KIAA0513: variants seen among roughly 807,000 people sequenced by gnomAD.
KIAA0513 encodes the protein KIAA0513.
KIAA0513 carries 39 observed loss-of-function variants against 56.5 expected under a neutral mutation model. The ratio of observed to expected loss-of-function variants is 0.69; its 90% CI spans 0.53 to 0.90. The LOEUF (loss-of-function observed/expected upper bound fraction) is 0.90, where lower values mean the gene tolerates loss of function less well. Among genes scored for constraint, KIAA0513 ranks in the 40% least tolerant of loss-of-function variants. The pLI, the probability that KIAA0513 is intolerant of heterozygous loss-of-function variation, is 0.00. For missense variants in KIAA0513, 591 were observed against 535.2 expected (o/e 1.10, Z -1.03); for synonymous variants, 268 against 215.6 (o/e 1.24, Z -2.13).
chr16:85,071,303 C>T (rs1175633610), intron 2 of KIAA0513, among the ~76,000 whole-genome samples: 1 of 152,236 alleles, frequency 6.6e-6, no homozygotes, highest in Admixed American at 6.5e-5. Flanking sequence ...AGGTGATTTT[C>T]TTCTTGGCCT....
In KIAA0513 at chr16:85,088,307, G is replaced by T. The variant is rs780942219; in HGVS notation, c.1218G>T (p.Glu406Asp). The change falls in exon 13 of 13, where the codon GAG becomes GAT. Residue 406 changes from glutamate (E) to aspartate (D), a missense_variant. Coordinates refer to ENST00000683363, the MANE Select transcript of KIAA0513 (RefSeq NM_001388359.1). ...EQYKLLSDHIEQMATE is the reference protein window; with the variant it reads ...EQYKLLSDHIDQMATE ...ACAAGCTGCTTAGTGACCACATTGA[G>T]CAAATGGCCACTGAGTAGGCCCCAG... is the stretch of plus-strand genomic sequence containing the variant. The T allele has an allele frequency of 6.2e-7, 1 of 1,611,860 alleles. No homozygotes were observed. The highest frequency in any genetic ancestry group is 8.5e-7 in the Non-Finnish European group (1 of 1,179,892).
At chr16:85,052,877 A>AAATTTT (rs2073273754) in intron 1 of KIAA0513, among the ~76,000 whole-genome samples, 1 of 152,028 alleles carries the variant, frequency 6.6e-6, no homozygotes, top group African/African-American at 2.4e-5. Flanking sequence ...ACTTCGGATC[A>AAATTTT]AATTTTTATT....
intron 8 of KIAA0513, chr16:85,079,259 C>T (rs868766746): frequency 1.2e-5 from 8 of 651,946 alleles, no homozygotes; most frequent in African/African-American, 3.6e-5. Flanking sequence ...AAAGGTGAAA[C>T]ACAAGAGTTA....
At chr16:85,049,064 T>C (rs887792597) in intron 1 of KIAA0513, among the ~76,000 whole-genome samples, 2 of 152,246 alleles carry the variant, frequency 1.3e-5, no homozygotes, top group African/African-American at 4.8e-5. Flanking sequence ...TGAGGTTGCT[T>C]TGCACGGTGG....
chr16:85,041,288 C>G (rs1359091370), intron 1 of KIAA0513, among the ~76,000 whole-genome samples: 1 of 152,186 alleles, frequency 6.6e-6, no homozygotes, highest in Admixed American at 6.5e-5. Flanking sequence ...CCAACTGTTT[C>G]CTCTGTCCGG....
intron 1 of KIAA0513, among the ~76,000 whole-genome samples, chr16:85,054,275 G>A (rs991384554): frequency 2.0e-5 from 3 of 152,132 alleles, no homozygotes; most frequent in Admixed American, 6.6e-5. Flanking sequence ...AGATTGTTAT[G>A]TGTCACCTTG....
Position 85,078,397 on chromosome 16 carries a change from G to A in KIAA0513, c.783-18G>A. The A allele has an allele frequency of 6.2e-7, 1 of 1,613,898 alleles. No individual in the cohort carries two copies. The highest frequency in any genetic ancestry group is 8.5e-7 in the Non-Finnish European group (1 of 1,179,922). ...GGTGTGAGTCGCGTGTGTCATCATT[G>A]TGCCTTCTCTCCCTCAGGGAAGACG... On this transcript the variant is annotated intron_variant, in intron 6 of 12. Coordinates refer to ENST00000683363, the MANE Select transcript of KIAA0513 (RefSeq NM_001388359.1).
intron 11 of KIAA0513, 48 bp downstream of exon 11, chr16:85,086,772 C>T (rs1204239977): frequency 6.6e-7 from 1 of 1,511,232 alleles, no homozygotes; most frequent in South Asian, 1.2e-5. Flanking sequence ...GGAGGGCCCA[C>T]CCTGTGAGCT....
chr16:85,068,261 A>G (rs931097707), intron 2 of KIAA0513, among the ~76,000 whole-genome samples: 5 of 151,774 alleles, frequency 3.3e-5, no homozygotes, highest in Non-Finnish European at 7.4e-5. Flanking sequence ...AGTTCAAACA[A>G]TTCTCCTGCC....
At chr16:85,072,660 A>G (rs1370158241) in intron 3 of KIAA0513, among the ~76,000 whole-genome samples, 2 of 152,180 alleles carry the variant, frequency 1.3e-5, no homozygotes, top group African/African-American at 4.8e-5. Context: ...GTGGGTGTGT[A>G]TGAAGTTCCT....
intron 11 of KIAA0513, 41 bp from the exon 12 acceptor site, chr16:85,087,031 T>C (rs1230074360): frequency 3.8e-6 from 6 of 1,592,918 alleles, no homozygotes; most frequent in Non-Finnish European, 5.2e-6. Context: ...CCCTTTCCCC[T>C]GGGAGGCCAG....
At chr16:85,051,961 A>G (rs1037428246) in intron 1 of KIAA0513, among the ~76,000 whole-genome samples, 4 of 151,074 alleles carry the variant, frequency 2.6e-5, no homozygotes, top group African/African-American at 9.7e-5. Flanking sequence ...GCCTCCTTTC[A>G]TGATTTTTTA....
At chr16:85,065,641 A>G (rs1376125431) in intron 1 of KIAA0513, among the ~76,000 whole-genome samples, 1 of 152,222 alleles carries the variant, frequency 6.6e-6, no homozygotes, top group Admixed American at 6.5e-5. Flanking sequence ...TTGTCCTCTG[A>G]AGATGCGTTC....
intron 1 of KIAA0513, among the ~76,000 whole-genome samples, chr16:85,056,018 T>C (rs2143949231): frequency 1.3e-5 from 2 of 152,358 alleles, no homozygotes; most frequent in South Asian, 4.1e-4. Context: ...TCAGCCCTTC[T>C]CTGCACTCTA....
chr16:85,046,901 C>G (rs1379842951), intron 1 of KIAA0513, among the ~76,000 whole-genome samples: 1 of 152,198 alleles, frequency 6.6e-6, no homozygotes, highest in East Asian at 1.9e-4. Flanking sequence ...TGGAGTCTGT[C>G]AGCTAATTCC....
intron 1 of KIAA0513, among the ~76,000 whole-genome samples, chr16:85,031,310 G>A (rs951049408): frequency 2.6e-5 from 4 of 151,984 alleles, no homozygotes; most frequent in African/African-American, 7.3e-5. Flanking sequence ...GCAAAACCCC[G>A]TCTTTACCAA....
intron 4 of KIAA0513, among the ~76,000 whole-genome samples, chr16:85,075,630 C>T (rs72805476): frequency 6.6e-6 from 1 of 152,184 alleles, no homozygotes; most frequent in African/African-American, 2.4e-5. Flanking sequence ...GCCGGGCAGG[C>T]AGACCACAAA....
intron 6 of KIAA0513, 142 bp downstream of exon 6, chr16:85,077,774 C>G (rs557728632): frequency 7.5e-6 from 5 of 666,668 alleles, no homozygotes; most frequent in African/African-American, 3.6e-5. Flanking sequence ...CTTCTGCCCC[C>G]ACGGCTTGCT....
intron 1 of KIAA0513, among the ~76,000 whole-genome samples, chr16:85,030,367 A>G (rs997623757): frequency 4.6e-5 from 7 of 152,152 alleles, no homozygotes; most frequent in African/African-American, 1.7e-4. Flanking sequence ...TGTGAAACCA[A>G]GGGAGCTGAC....
Sources: allele counts gnomAD v4.1 joint callset (sites outside exome capture counted in the v4.1 genomes callset), GRCh38; gene constraint gnomAD v4.1.1; transcripts MANE v1.5; gene names NCBI Gene and HGNC (gene_info 2026-07-23, HGNC 2026-07-21).